The following ASCC3 variants were observed in gnomAD, a reference collection of about 807,000 sequenced individuals.
ASCC3 encodes the protein activating signal cointegrator 1 complex subunit 3, also known as ASC-1 complex subunit P200.
In ASCC3, 158 loss-of-function variants were observed where a neutral mutation model predicts 256.3. The ratio of observed to expected loss-of-function variants is 0.62; its 90% CI spans 0.54 to 0.70. ASCC3 has a LOEUF of 0.70. ASCC3 is among the 30% of genes least tolerant of loss of function. The pLI, the probability that ASCC3 is intolerant of heterozygous loss-of-function variation, is 0.00. For missense variants in ASCC3, 2,259 were observed against 2,626.0 expected (o/e 0.86, Z 3.05); for synonymous variants, 948 against 883.4 (o/e 1.07, Z -1.30).
chr6:100,639,746 T>C (rs1207801726), intron 24 of ASCC3, among the ~76,000 whole-genome samples: 19 of 152,222 alleles, frequency 1.2e-4, no homozygotes, highest in Admixed American at 1.2e-3. Context: ...CTCTATTCAG[T>C]TAATTACATA....
intron 36 of ASCC3, among the ~76,000 whole-genome samples, chr6:100,579,827 T>C (rs942861252): frequency 2.6e-5 from 4 of 152,100 alleles, no homozygotes; most frequent in Admixed American, 1.3e-4. Flanking sequence ...TTTGGATCCA[T>C]ATAAAGTTTG....
intron 8 of ASCC3, among the ~76,000 whole-genome samples, chr6:100,772,531 G>C (rs1781992454): frequency 1.3e-5 from 2 of 152,154 alleles, no homozygotes; most frequent in South Asian, 4.1e-4. Context: ...AGACAACATA[G>C]ACTTATCTAT....
intron 13 of ASCC3, among the ~76,000 whole-genome samples, chr6:100,714,419 T>C (rs1778995161): frequency 6.6e-6 from 1 of 152,048 alleles, no homozygotes; most frequent in South Asian, 2.1e-4. Context: ...GCAAAGAAAG[T>C]GATATGTCAC....
chr6:100,806,470 C>T (rs1364333230), intron 4 of ASCC3, among the ~76,000 whole-genome samples: 2 of 151,896 alleles, frequency 1.3e-5, no homozygotes, highest in African/African-American at 4.8e-5. Context: ...AAGTTGATGT[C>T]AGAGTTAGAG....
chr6:100,756,422 A>G (rs185388797), intron 10 of ASCC3, among the ~76,000 whole-genome samples: 191 of 152,214 alleles, frequency 1.3e-3, no homozygotes, highest in African/African-American at 4.5e-3. Flanking sequence ...GAAAAAATAA[A>G]CTTTCTTAAT....
chr6:100,666,254 T>C (rs1467273013), intron 14 of ASCC3, among the ~76,000 whole-genome samples: 1 of 152,164 alleles, frequency 6.6e-6, no homozygotes, highest in African/African-American at 2.4e-5. Context: ...TTTCCAGTTT[T>C]CACAATTATA....
chr6:100,834,090 T>C (rs1771760558), intron 4 of ASCC3, among the ~76,000 whole-genome samples: 1 of 152,078 alleles, frequency 6.6e-6, no homozygotes, highest in African/African-American at 2.4e-5. Context: ...TCTAGCTAAA[T>C]GTCTTATATA....
intron 24 of ASCC3, among the ~76,000 whole-genome samples, chr6:100,642,257 T>C (rs531527170): frequency 6.6e-6 from 1 of 152,150 alleles, no homozygotes; most frequent in Admixed American, 6.6e-5. Flanking sequence ...GATACCATAA[T>C]ATGATTCCTT....
At chr6:100,816,204 T>A (rs1770736997) in intron 4 of ASCC3, among the ~76,000 whole-genome samples, 1 of 152,018 alleles carries the variant, frequency 6.6e-6, no homozygotes. Flanking sequence ...AAAACCACAA[T>A]GAGATACCAT....
At chr6:100,834,305 A>G (rs1771772576) in intron 4 of ASCC3, among the ~76,000 whole-genome samples, 2 of 152,222 alleles carry the variant, frequency 1.3e-5, no homozygotes, top group African/African-American at 2.4e-5. Context: ...CACAATTACT[A>G]TTGATAGCAT....
chr6:100,848,518 T>C lies in ASCC3; in HGVS notation c.431A>G (p.Asp144Gly), dbSNP rs1772500306. 5 of 1,614,108 alleles carry C rather than the reference T, an allele frequency of 3.1e-6. No homozygotes were observed. Among genetic ancestry groups the C allele is most frequent in the Non-Finnish European group, 3.4e-6 (4 of 1,180,018 alleles). The stretch of plus-strand genomic sequence containing the variant: ...CATCTGCACAAGAGCAGTAAGATCA[T>C]CTTGACTAAAATGAGAAATAATTCG... Reference protein sequence around the residue: ...TNRIISHFSQDDLTALVQMTE... With the variant: ...TNRIISHFSQGDLTALVQMTE... Residue 144 changes from aspartate (D) to glycine (G), a missense_variant, in exon 4 of 42, where the codon GAT becomes GGT. This residue lies in a region of ASCC3 where 420 missense variants were observed against 419.3 expected (regional missense o/e 1.00). Coordinates refer to ENST00000369162, the MANE Select transcript of ASCC3 (RefSeq NM_006828.4).
chr6:100,838,578 G>A lies in ASCC3; in HGVS notation c.801+9570C>T, dbSNP rs116700415. Among the ~76,000 whole-genome samples the A allele has an allele frequency of 6.9e-3, 1,046 of 151,924 alleles. 13 individuals carry two copies. Among genetic ancestry groups the A allele is most frequent in the African/African-American group, 0.023 (968 of 41,450 alleles). On this transcript the variant is annotated intron_variant, in intron 4 of 41. Transcript: ENST00000369162. Reference sequence around the variant, plus strand: ...GAATAACTAATGCTCATTATTTACAGGTACTTAATCTACACAACAATTTAC... The same window carrying A: ...GAATAACTAATGCTCATTATTTACAAGTACTTAATCTACACAACAATTTAC...
At chr6:100,800,018 A>G (rs1351588207) in intron 6 of ASCC3, among the ~76,000 whole-genome samples, 1 of 152,048 alleles carries the variant, frequency 6.6e-6, no homozygotes, top group African/African-American at 2.4e-5. Context: ...TAAGCTATAT[A>G]AATCTTAACC....
At chr6:100,791,299 T>G (rs1400661915) in intron 8 of ASCC3, among the ~76,000 whole-genome samples, 1 of 151,916 alleles carries the variant, frequency 6.6e-6, no homozygotes, top group Non-Finnish European at 1.5e-5. Context: ...ATAGTTGCAC[T>G]CTAAATAATA....
Position 100,784,855 on chromosome 6 carries a change from G to T in ASCC3, c.1395+13858C>A, listed in dbSNP as rs1377406566. 2.6e-5 allele frequency among the ~76,000 whole-genome samples: 4 copies of T among 151,976 alleles called. No homozygotes were observed. The East Asian group carries it at 7.7e-4, about 29-fold the overall frequency. Reference sequence around the variant, plus strand: ...AAAGGAGAAAGGCCTATTCTGTATTGACTTCATGTATTAAAACAACAATAT... The same window carrying T: ...AAAGGAGAAAGGCCTATTCTGTATTTACTTCATGTATTAAAACAACAATAT... On this transcript the variant is annotated intron_variant, in intron 8 of 41. Transcript: ENST00000369162.
intron 34 of ASCC3, among the ~76,000 whole-genome samples, chr6:100,593,493 A>C (rs1319451318): frequency 6.6e-6 from 1 of 152,206 alleles, no homozygotes; most frequent in African/African-American, 2.4e-5. Flanking sequence ...AATACTGATG[A>C]AATTTCACCA....
chr6:100,515,840 T>C (rs1467114153), intron 39 of ASCC3, among the ~76,000 whole-genome samples: 2 of 152,296 alleles, frequency 1.3e-5, no homozygotes, highest in East Asian at 3.9e-4. Flanking sequence ...CATGAGGCTT[T>C]TCGCAGCCAG....
intron 13 of ASCC3, among the ~76,000 whole-genome samples, chr6:100,686,472 G>A (rs542016813): frequency 6.2e-4 from 95 of 152,002 alleles, no homozygotes; most frequent in Non-Finnish European, 1.0e-3. Context: ...TCACCATATG[G>A]TAGTAGATTA....
At chr6:100,688,193 A>G (rs1479736680) in intron 13 of ASCC3, among the ~76,000 whole-genome samples, 1 of 152,024 alleles carries the variant, frequency 6.6e-6, no homozygotes, top group African/African-American at 2.4e-5. Flanking sequence ...AAACCATGGA[A>G]AACACCTAAA....
Sources: allele counts gnomAD v4.1 joint callset (sites outside exome capture counted in the v4.1 genomes callset), GRCh38; gene constraint gnomAD v4.1.1; regional missense constraint gnomAD v4.1.1; transcripts MANE v1.5; gene names NCBI Gene and HGNC (gene_info 2026-07-23, HGNC 2026-07-21).